Variants in CP observed in about 807,000 individuals in gnomAD.
CP encodes ceruloplasmin, also known as caeruloplasmin.
CP carries 64 observed loss-of-function variants against 122.4 expected under a neutral mutation model. That is an observed-to-expected ratio of 0.52 (90% CI 0.43 to 0.64). CP has a LOEUF of 0.64. CP is among the 30% of genes least tolerant of loss of function. The probability of loss-of-function intolerance (pLI) is 0.00; values close to 1 mark genes in which losing one functional copy is unlikely to be tolerated. For missense variants in CP, 1,167 were observed against 1,284.4 expected (o/e 0.91, Z 1.40); for synonymous variants, 440 against 436.4 (o/e 1.01, Z -0.10).
chr3:149,162,597 T>C (rs1406741927), exon 6 of CP: 4 of 1,309,214 alleles, frequency 3.1e-6, no homozygotes, highest in Non-Finnish European at 4.4e-6. Flanking sequence ...ATTGATTGCG[T>C]GGCCCATGTG....
At chr3:149,167,815 C>T (rs1269394141), downstream of CP, 4 of 899,094 alleles carry the variant, frequency 4.4e-6, no homozygotes, top group African/African-American at 6.6e-5. Context: ...TGCTTTCCTG[C>T]ACAATCTTCT....
intron 9 of CP, among the ~76,000 whole-genome samples, chr3:149,196,664 G>C (rs1485057112): frequency 6.6e-6 from 1 of 152,128 alleles, no homozygotes; most frequent in African/African-American, 2.4e-5. Flanking sequence ...TTGAACATCA[G>C]TAGGAATAAT....
At chr3:149,185,125 G>A (rs1351340999) in intron 12 of CP, 114 bp downstream of exon 12, 3 of 836,850 alleles carry the variant, frequency 3.6e-6, no homozygotes, top group Non-Finnish European at 5.9e-6. Context: ...TGTTGTTGTT[G>A]TTATTGTTTA....
chr3:149,210,336 A>T lies in CP; in HGVS notation c.438T>A (p.Asp146Glu), dbSNP rs778389238. The part of the protein sequence containing the change: ...PDNTTDFQRA[D>E]DKVYPGEQYT... ...ACTGCTCTCCTGGATATACTTTGTCATCTGCTCTTTGAAAATCTGTGGTGT... is the reference window on the plus strand; with the variant it reads ...ACTGCTCTCCTGGATATACTTTGTCTTCTGCTCTTTGAAAATCTGTGGTGT... Residue 146 changes from aspartate (D) to glutamate (E), a missense_variant, in exon 3 of 19, where the codon GAT (aspartate) becomes GAA (glutamate). Around this residue, in one of 2 missense-constraint regions of CP, gnomAD observed 642 missense variants for 627.3 expected, o/e 1.02. Coordinates refer to ENST00000264613, the MANE Select transcript of CP (RefSeq NM_000096.4). 5.6e-6 allele frequency: 9 copies of T among 1,614,006 alleles called. No individual in the cohort carries two copies. The highest frequency in any genetic ancestry group is 7.6e-6 in the Non-Finnish European group (9 of 1,179,968).
intron 3 of CP, among the ~76,000 whole-genome samples, chr3:149,209,716 C>T (rs35727759): frequency 6.6e-5 from 10 of 152,176 alleles, no homozygotes; most frequent in African/African-American, 1.7e-4. Flanking sequence ...TTACAGGTAA[C>T]GATTGTTCAA....
chr3:149,192,981 T>TACAC (rs3070607), intron 9 of CP, among the ~76,000 whole-genome samples: 13,125 of 148,696 alleles, frequency 0.088, 677 homozygotes, highest in Admixed American at 0.14. Context: ...TGATCCTGTA[T>TACAC]ACACACACAC....
At chr3:149,187,932 TGTAATC>T in intron 10 of CP, 114 bp downstream of exon 10, 1 of 1,049,126 alleles carries the variant, frequency 9.5e-7, no homozygotes, top group East Asian at 2.4e-5. Flanking sequence ...AGGACACTAT[TGTAATC>T]GTTTATTGAA....
chr3:149,211,637 T>G (rs985849605), intron 2 of CP, among the ~76,000 whole-genome samples: 1 of 152,224 alleles, frequency 6.6e-6, no homozygotes. Context: ...TCCAGGCATA[T>G]GTACCATTTG....
intron 12 of CP, 147 bp downstream of exon 12, chr3:149,185,092 A>T (rs1726062578): frequency 1.4e-6 from 1 of 726,562 alleles, no homozygotes; most frequent in Non-Finnish European, 2.3e-6. Context: ...ACAAGTTCCT[A>T]GGAAGTGTTT....
rs567795036 is a variant in CP at position 149,178,359 on chromosome 3, T to G, written c.2878+56A>C. The G allele has an allele frequency of 1.7e-4, 225 of 1,325,436 alleles. 3 individuals carry two copies. In the South Asian group the frequency reaches 2.4e-3, roughly 14 times the overall value. 82.1% of individuals were successfully genotyped at this position (1,325,436 alleles called of 1,614,324 possible). Reference sequence around the variant, plus strand: ...TGAATGGTCTCCAAAATAATTTTATTTGAAAGAGAAAATGATAAAAAAGTA... The same window carrying G: ...TGAATGGTCTCCAAAATAATTTTATGTGAAAGAGAAAATGATAAAAAAGTA... On this transcript the variant is annotated intron_variant, in intron 16 of 18. Coordinates refer to ENST00000264613, the MANE Select transcript of CP (RefSeq NM_000096.4).
intron 9 of CP, among the ~76,000 whole-genome samples, chr3:149,197,150 C>T (rs1360560455): frequency 2.0e-5 from 3 of 152,116 alleles, no homozygotes; most frequent in African/African-American, 7.2e-5. Context: ...CACTTATCTC[C>T]CTTCGCTGAC....
At chr3:149,170,451 T>A (rs575295902), downstream of CP, 30 of 152,368 alleles carry the variant, frequency 2.0e-4, no homozygotes, top group African/African-American at 7.0e-4. Flanking sequence ...TTATGTCAGA[T>A]GTGCATCATT....
At chr3:149,187,366 A>C (rs529047575) in intron 10 of CP, among the ~76,000 whole-genome samples, 2 of 152,336 alleles carry the variant, frequency 1.3e-5, no homozygotes, top group South Asian at 4.1e-4. Flanking sequence ...TGGCTACAAT[A>C]ATTTTTACTG....
intron 7 of CP, among the ~76,000 whole-genome samples, chr3:149,200,908 G>T (rs1189608761): frequency 6.6e-6 from 1 of 151,798 alleles, no homozygotes. Flanking sequence ...GTAATACCTT[G>T]TTCAAAAAGT....
intron 8 of CP, among the ~76,000 whole-genome samples, chr3:149,199,014 C>T (rs1448135169): frequency 6.6e-6 from 1 of 152,194 alleles, no homozygotes; most frequent in Non-Finnish European, 1.5e-5. Flanking sequence ...ACTGAAAGAA[C>T]TTTGCAGGTG....
Position 149,202,032 on chromosome 3 carries a change from C to T in CP, c.1348+70G>A. 2 of 1,595,190 alleles carry T rather than the reference C, an allele frequency of 1.3e-6. 1 individual carries two copies. On this transcript the variant is annotated intron_variant, in intron 7 of 18. Transcript: ENST00000264613. The stretch of plus-strand genomic sequence containing the variant: ...AATCATGCAGTAGGTCCTGAAGTTA[C>T]TATTCTTTCTGAGGTTGATGTAGCC...
At chr3:149,180,996 T>C (rs2108223763) in intron 14 of CP, among the ~76,000 whole-genome samples, 1 of 148,632 alleles carries the variant, frequency 6.7e-6, no homozygotes, top group Non-Finnish European at 1.5e-5. Context: ...TCCACCATAT[T>C]CCAAATCTCG....
Position 149,207,515 on chromosome 3 carries a change from T to C in CP, c.884A>G (p.His295Arg). 1.2e-6 allele frequency: 2 copies of C among 1,614,032 alleles called. No individual in the cohort carries two copies. Among genetic ancestry groups the C allele is most frequent in the Non-Finnish European group, 8.5e-7 (1 of 1,179,892 alleles). ...LFGMGNEVDV[H>R]AAFFHGQALT... Reference sequence around the variant, plus strand: ...TGCTTGCCCGTGAAAGAAAGCTGCGTGCACATCAACTTCATTACCCATACC... The same window carrying C: ...TGCTTGCCCGTGAAAGAAAGCTGCGCGCACATCAACTTCATTACCCATACC... The change falls in exon 5 of 19, where the codon CAC (histidine) becomes CGC (arginine). Residue 295 changes from histidine (H) to arginine (R), a missense_variant. Transcript: ENST00000264613.
chr3:149,178,431 T>C lies in CP; in HGVS notation c.2862A>G (p.Glu954=). ...GTGACATACCATGCATTTTATTGCT[T>C]TCTATGAATTCCTCATCATCTTTGT... The part of the protein sequence containing the change: ...KVNKDDEEFI[E]SNKMHAINGR... Residue 954 remains glutamate, a synonymous_variant, in exon 16 of 19, where the codon GAA becomes GAG. Transcript: ENST00000264613. 1 of 1,608,588 alleles carries C rather than the reference T, an allele frequency of 6.2e-7. No individual in the cohort carries two copies. The highest frequency in any genetic ancestry group is 8.5e-7 in the Non-Finnish European group (1 of 1,175,138).
Sources: gnomAD v4.1 joint callset for allele counts (sites outside exome capture counted in the v4.1 genomes callset) on GRCh38, gnomAD v4.1.1 for gene constraint, gnomAD v4.1.1 regional missense constraint, MANE v1.5 for transcripts, NCBI Gene and HGNC (gene_info 2026-07-23, HGNC 2026-07-21) for gene names.